The following MAP2 variants were observed in gnomAD, a reference collection of about 807,000 sequenced individuals.
The protein encoded by MAP2 is microtubule associated protein 2.
In MAP2, 14 loss-of-function variants were observed where a neutral mutation model predicts 137.6. The ratio of observed to expected loss-of-function variants is 0.10; its 90% CI spans 0.07 to 0.16. The LOEUF (loss-of-function observed/expected upper bound fraction) is 0.16, where lower values mean the gene tolerates loss of function less well. Ranked by LOEUF, MAP2 falls within the 10% of genes least tolerant of loss-of-function variation. MAP2 has a pLI of 1.00. For missense variants in MAP2, 2,088 were observed against 2,191.5 expected (o/e 0.95, Z 0.94); for synonymous variants, 786 against 782.3 (o/e 1.00, Z -0.08).
At chr2:209,717,714 ATATT>A (rs2068288436) in intron 13 of MAP2, among the ~76,000 whole-genome samples, 1 of 152,180 alleles carries the variant, frequency 6.6e-6, no homozygotes, top group Non-Finnish European at 1.5e-5. Flanking sequence ...TCTCATTCAC[ATATT>A]TATTCTTTCA....
intron 5 of MAP2, among the ~76,000 whole-genome samples, chr2:209,675,557 A>G (rs1380122629): frequency 6.6e-6 from 1 of 151,892 alleles, no homozygotes; most frequent in Admixed American, 6.6e-5. Flanking sequence ...GTCTATTTAT[A>G]CAGTGTACCA....
intron 2 of MAP2, among the ~76,000 whole-genome samples, chr2:209,552,316 A>G (rs2069365009): frequency 6.6e-6 from 1 of 152,200 alleles, no homozygotes; most frequent in African/African-American, 2.4e-5. Flanking sequence ...GAACTTTTAC[A>G]TGTAACGACT....
intron 1 of MAP2, among the ~76,000 whole-genome samples, chr2:209,506,372 A>G (rs907925867): frequency 1.1e-4 from 16 of 152,286 alleles, no homozygotes; most frequent in African/African-American, 3.8e-4. Context: ...AACTAGTTTT[A>G]GGCTAATTTA....
rs1559156886 is a variant in MAP2, at chr2:209,434,841, A to ATGTTATATATATGT, written c.-222+10566_-222+10567insGTTATATATATGTT. On this transcript the variant is annotated intron_variant, in intron 1 of 15. Transcript: ENST00000682079. ...TCTCTCTCTCTCTCTCTCTATATATATATATATGTTATATATATATGTTAT... is the reference window on the plus strand; with the variant it reads ...TCTCTCTCTCTCTCTCTCTATATATATGTTATATATATGTTATATATGTTATATATATATGTTAT... Among the ~76,000 whole-genome samples the ATGTTATATATATGT allele has an allele frequency of 9.7e-4, 119 of 122,912 alleles. 6 individuals carry two copies. The highest frequency in any genetic ancestry group is 4.0e-3 in the African/African-American group (116 of 29,030). 80.6% of individuals were successfully genotyped at this position (122,912 alleles called of 152,430 possible).
intron 1 of MAP2, among the ~76,000 whole-genome samples, chr2:209,428,656 T>C (rs1412716397): frequency 6.6e-6 from 1 of 151,874 alleles, no homozygotes; most frequent in Non-Finnish European, 1.5e-5. Context: ...TATGCTAACC[T>C]CTCCTCCTTC....
intron 3 of MAP2, among the ~76,000 whole-genome samples, chr2:209,588,862 A>C (rs2078471123): frequency 1.3e-5 from 2 of 152,290 alleles, no homozygotes; most frequent in Middle Eastern, 6.8e-3. Flanking sequence ...TGACTTTCCA[A>C]GATGACATTT....
chr2:209,499,087 A>G (rs1194217147), intron 1 of MAP2, among the ~76,000 whole-genome samples: 1 of 152,166 alleles, frequency 6.6e-6, no homozygotes, highest in South Asian at 2.1e-4. Context: ...CCTTTTAAAT[A>G]TAAATTCCAA....
At chr2:209,478,803 T>C (rs1367267087) in intron 1 of MAP2, among the ~76,000 whole-genome samples, 1 of 152,218 alleles carries the variant, frequency 6.6e-6, no homozygotes, top group Non-Finnish European at 1.5e-5. Flanking sequence ...ATGTTTTAAT[T>C]GATGTCTTGT....
At chr2:209,594,437 C>G (rs1046875383) in intron 3 of MAP2, among the ~76,000 whole-genome samples, 1 of 152,134 alleles carries the variant, frequency 6.6e-6, no homozygotes, top group Non-Finnish European at 1.5e-5. Context: ...TCCTCTAGGA[C>G]TCTGTATTTG....
chr2:209,560,951 A>G (rs2071905620), intron 2 of MAP2, among the ~76,000 whole-genome samples: 1 of 152,208 alleles, frequency 6.6e-6, no homozygotes, highest in Non-Finnish European at 1.5e-5. Flanking sequence ...GAGTAAATAG[A>G]TGATGCTTAG....
intron 1 of MAP2, among the ~76,000 whole-genome samples, chr2:209,438,124 A>G (rs1027064029): frequency 2.0e-5 from 3 of 151,676 alleles, no homozygotes; most frequent in Non-Finnish European, 3.0e-5. Flanking sequence ...CATTAAGCTA[A>G]GTTAGTCAAA....
At chr2:209,552,452 A>G (rs1043070996) in intron 2 of MAP2, among the ~76,000 whole-genome samples, 7 of 152,216 alleles carry the variant, frequency 4.6e-5, no homozygotes, top group Non-Finnish European at 1.0e-4. Context: ...AGGGCTTAGA[A>G]TGAAATAAGC....
chr2:209,558,958 C>G (rs2071337840), intron 2 of MAP2, among the ~76,000 whole-genome samples: 1 of 152,018 alleles, frequency 6.6e-6, no homozygotes, highest in Non-Finnish European at 1.5e-5. Flanking sequence ...ACCTCTCTGC[C>G]TCTGTAATGA....
At chr2:209,621,608 A>C (rs2091216690) in intron 3 of MAP2, among the ~76,000 whole-genome samples, 1 of 152,130 alleles carries the variant, frequency 6.6e-6, no homozygotes, top group Non-Finnish European at 1.5e-5. Context: ...TTTAAAAACT[A>C]AATGATACTT....
At chr2:209,588,197 A>G (rs1398856127) in intron 3 of MAP2, among the ~76,000 whole-genome samples, 3 of 152,226 alleles carry the variant, frequency 2.0e-5, no homozygotes, top group Non-Finnish European at 2.9e-5. Flanking sequence ...CTATTTGCAG[A>G]ATTTGAATAC....
At chr2:209,563,557 C>T (rs1207814844) in intron 2 of MAP2, among the ~76,000 whole-genome samples, 1 of 152,044 alleles carries the variant, frequency 6.6e-6, no homozygotes, top group Non-Finnish European at 1.5e-5. Flanking sequence ...CAACCCACCC[C>T]CGTATACTTC....
intron 1 of MAP2, among the ~76,000 whole-genome samples, chr2:209,437,263 C>G (rs1696557173): frequency 6.6e-6 from 1 of 151,568 alleles, no homozygotes; most frequent in African/African-American, 2.4e-5. Flanking sequence ...TTTTTCAACC[C>G]TCTCAACTTT....
At chr2:209,602,249 T>C (rs1405162146) in intron 3 of MAP2, among the ~76,000 whole-genome samples, 2 of 152,342 alleles carry the variant, frequency 1.3e-5, no homozygotes, top group African/African-American at 2.4e-5. Flanking sequence ...AGGGAGTTCA[T>C]TTACTGTTTG....
intron 3 of MAP2, among the ~76,000 whole-genome samples, chr2:209,584,164 A>G (rs1202322376): frequency 6.6e-6 from 1 of 152,040 alleles, no homozygotes; most frequent in African/African-American, 2.4e-5. Context: ...TGGATAATTT[A>G]TTAAGGGACT....
Sources: allele counts gnomAD v4.1 joint callset (sites outside exome capture counted in the v4.1 genomes callset), GRCh38; gene constraint gnomAD v4.1.1; transcripts MANE v1.5; gene names NCBI Gene and HGNC (gene_info 2026-07-23, HGNC 2026-07-21).